The following ZNF429 variants were observed in gnomAD, a reference collection of about 807,000 sequenced individuals.
The protein encoded by ZNF429 is zinc finger protein 429.
ZNF429 carries 53 observed loss-of-function variants against 56.8 expected under a neutral mutation model. The ratio of observed to expected loss-of-function variants is 0.93; its 90% CI spans 0.75 to 1.17. The LOEUF (loss-of-function observed/expected upper bound fraction) is 1.17, where lower values mean the gene tolerates loss of function less well. Ranked by LOEUF, ZNF429 falls within the 50% of genes most tolerant of loss-of-function variation. The pLI, the probability that ZNF429 is intolerant of heterozygous loss-of-function variation, is 0.00. For synonymous variants in ZNF429, 278 were observed against 264.7 expected, an observed-to-expected ratio of 1.05 and a Z score of -0.49; for missense variants, 849 against 788.4, an observed-to-expected ratio of 1.08 and a Z score of -0.92.
intron 1 of ZNF429, among the ~76,000 whole-genome samples, chr19:21,513,322 T>G (rs1486897746): frequency 2.0e-5 from 3 of 152,232 alleles, no homozygotes; most frequent in Non-Finnish European, 2.9e-5. Context: ...TTCTTCCATT[T>G]GACTTCTCCT....
intron 1 of ZNF429, among the ~76,000 whole-genome samples, chr19:21,508,294 G>A (rs570506781): frequency 9.9e-5 from 15 of 151,628 alleles, no homozygotes; most frequent in African/African-American, 1.7e-4. Flanking sequence ...CCCTGACCCC[G>A]GTGAGATGAG....
Position 21,505,605 on chromosome 19 carries a change from G to C in ZNF429, c.-167G>C. 1.7e-6 allele frequency: 1 copy of C among 591,820 alleles called. No homozygotes were observed. Among genetic ancestry groups the C allele is most frequent in the Non-Finnish European group, 2.9e-6 (1 of 347,230 alleles). The allele number at this position is 591,820 out of a possible 1,614,324, so 36.7% of individuals were successfully genotyped here. A position where few individuals can be genotyped will look rare whatever the true frequency, so the allele number is the denominator to read the frequency against. The stretch of plus-strand genomic sequence containing the variant: ...GGCACGCAGCTGGAGCGACAGGACG[G>C]TTTCCGGAATATGGCGGGGCGTTTG... On this transcript the variant is annotated 5_prime_UTR_variant, in exon 1 of 4. Transcript: ENST00000358491.
At chr19:21,514,641 A>T (rs960494730) in intron 1 of ZNF429, among the ~76,000 whole-genome samples, 1 of 152,008 alleles carries the variant, frequency 6.6e-6, no homozygotes, top group Non-Finnish European at 1.5e-5. Context: ...TCTGTTACCC[A>T]GGCTGGAGTG....
intron 3 of ZNF429, among the ~76,000 whole-genome samples, chr19:21,531,130 CCAA>C: frequency 3.5e-5 from 4 of 113,134 alleles, no homozygotes; most frequent in African/African-American, 1.2e-4. Context: ...AAAAAAAAAA[CCAA>C]AAAAAAAAAA....
chr19:21,534,146 G>A, intron 3 of ZNF429, among the ~76,000 whole-genome samples: 3 of 150,758 alleles, frequency 2.0e-5, no homozygotes, highest in African/African-American at 7.3e-5. Flanking sequence ...CAATATTTCT[G>A]TAAAAAACTG....
chr19:21,513,991 A>C (rs2032621867), intron 1 of ZNF429, among the ~76,000 whole-genome samples: 1 of 152,110 alleles, frequency 6.6e-6, no homozygotes, highest in South Asian at 2.1e-4. Context: ...CTCCTGGAAT[A>C]TTCCTACTCC....
intron 1 of ZNF429, among the ~76,000 whole-genome samples, chr19:21,517,960 A>AT (rs1281125693): frequency 4.0e-5 from 6 of 150,108 alleles, no homozygotes; most frequent in East Asian, 2.0e-4. Context: ...TGCCTGGCTA[A>AT]TTTTTTTTTA....
At chr19:21,528,099 A>G (rs1042582315) in intron 1 of ZNF429, among the ~76,000 whole-genome samples, 1 of 152,124 alleles carries the variant, frequency 6.6e-6, no homozygotes, top group African/African-American at 2.4e-5. Flanking sequence ...TTTATGTGCC[A>G]TGCAGAATTC....
chr19:21,511,200 G>A lies in ZNF429; in HGVS notation c.3+5426G>A, dbSNP rs958500486. Among the ~76,000 whole-genome samples the A allele has an allele frequency of 8.1e-4, 123 of 151,866 alleles. 1 individual carries two copies. Among genetic ancestry groups the A allele is most frequent in the African/African-American group, 2.7e-3 (110 of 41,436 alleles). On this transcript the variant is annotated intron_variant, in intron 1 of 3. Transcript: ENST00000358491. ...CACCTCCCGGATGGGGCGGCTGGCC[G>A]GGCGGGGGCTGACCCCCCACCTCCC...
chr19:21,513,656 G>A (rs8106840), intron 1 of ZNF429, among the ~76,000 whole-genome samples: 79,923 of 151,964 alleles, frequency 0.53, 21,262 homozygotes, highest in East Asian at 0.62. Context: ...TATCACAGAG[G>A]CCTGTCCTGG....
At chr19:21,529,869 G>T in intron 2 of ZNF429, 85 bp downstream of exon 2, 265 of 1,023,758 alleles carry the variant, frequency 2.6e-4, no homozygotes, top group Non-Finnish European at 3.3e-4. Flanking sequence ...GGTAATTTAT[G>T]CTTTGCATAA....
Position 21,536,284 on chromosome 19 carries a change from G to A in ZNF429, c.231G>A (p.Val77=). 6.4e-7 allele frequency: 1 copy of A among 1,565,290 alleles called. No homozygotes were observed. The highest frequency in any genetic ancestry group is 8.6e-7 in the Non-Finnish European group (1 of 1,159,830). The change falls in exon 4 of 4, where the codon GTG becomes GTA. Residue 77 remains valine (V), a synonymous_variant. Coordinates refer to ENST00000358491, the MANE Select transcript of ZNF429 (RefSeq NM_001001415.4). ...GTTGTTTTAATTTTATTTTAGTTGT[G>A]TGTTCTCATTTTGCTGAAGACTTTT... ...RHEMVDEPPV[V]CSHFAEDFWP...
intron 1 of ZNF429, among the ~76,000 whole-genome samples, chr19:21,516,443 A>G (rs184960016): frequency 6.6e-6 from 1 of 152,070 alleles, no homozygotes; most frequent in South Asian, 2.1e-4. Flanking sequence ...TTGTTGTTCC[A>G]TATGAATTTA....
At chr19:21,532,788 T>C in intron 3 of ZNF429, among the ~76,000 whole-genome samples, 3 of 151,508 alleles carry the variant, frequency 2.0e-5, no homozygotes, top group Non-Finnish European at 4.4e-5. Flanking sequence ...AACCTCGGCC[T>C]CCCGGGTTCA....
Position 21,537,265 on chromosome 19 carries a change from A to G in ZNF429, c.1212A>G (p.Arg404=), listed in dbSNP as rs764579890. ...CCTACAAATTTGAAAAATGTGGCAG[A>G]GTTTTTACCTGTTCCTCAACACTTA... is the stretch of plus-strand genomic sequence containing the variant. ...EEPYKFEKCG[R]VFTCSSTLTQ... is the part of the protein sequence containing the mutation. The change falls in exon 4 of 4, where the codon AGA becomes AGG. Residue 404 remains arginine, a synonymous_variant. Coordinates refer to ENST00000358491, the MANE Select transcript of ZNF429 (RefSeq NM_001001415.4). 1 of 1,614,048 alleles carries G rather than the reference A, an allele frequency of 6.2e-7. No homozygotes were observed. The highest frequency in any genetic ancestry group is 1.1e-5 in the South Asian group (1 of 91,078).
In ZNF429 at chr19:21,535,747, T is replaced by C; in HGVS notation, c.227-533T>C. 2.0e-5 allele frequency among the ~76,000 whole-genome samples: 3 copies of C among 148,688 alleles called. No homozygotes were observed. The South Asian group carries it at 6.2e-4, about 31-fold the overall frequency. On this transcript the variant is annotated intron_variant, in intron 3 of 3. Coordinates refer to ENST00000358491, the MANE Select transcript of ZNF429 (RefSeq NM_001001415.4). ...GCCAGGCTGGTTTCGAACTCCTGACTTTATGATCTGCCCGCCTTGGCCTCC... is the reference window on the plus strand; with the variant it reads ...GCCAGGCTGGTTTCGAACTCCTGACCTTATGATCTGCCCGCCTTGGCCTCC...
intron 3 of ZNF429, among the ~76,000 whole-genome samples, chr19:21,535,463 T>C: frequency 9.8e-6 from 1 of 102,476 alleles, no homozygotes; most frequent in African/African-American, 4.3e-5. Flanking sequence ...TTTCTTTCTT[T>C]CTTTCTTTCT....
intron 1 of ZNF429, among the ~76,000 whole-genome samples, chr19:21,528,091 T>A (rs936663173): frequency 8.5e-5 from 13 of 152,202 alleles, no homozygotes; most frequent in African/African-American, 3.1e-4. Flanking sequence ...CATAGCTTTT[T>A]ATGTGCCATG....
chr19:21,535,342 TCCTTTCCTTTCTTTTC>T lies in ZNF429; in HGVS notation c.227-937_227-922del. Among the ~76,000 whole-genome samples, 16 of 107,620 alleles carry T rather than the reference TCCTTTCCTTTCTTTTC, an allele frequency of 1.5e-4. 1 individual carries two copies. Among genetic ancestry groups the T allele is most frequent in the Non-Finnish European group, 1.1e-4 (5 of 46,858 alleles). The allele number at this position is 107,620 out of a possible 152,430, so 70.6% of individuals were successfully genotyped here. ...TTCTTTCTTTCTCTTTTCTTTTCTT[TCCTTTCCTTTCTTTTC>T]TTCTTTCTTTCTTTCTTTCTTTTTT... On this transcript the variant is annotated intron_variant, in intron 3 of 3. Transcript: ENST00000358491.
Sources: gnomAD v4.1 joint callset for allele counts (sites outside exome capture counted in the v4.1 genomes callset) on GRCh38, gnomAD v4.1.1 for gene constraint, MANE v1.5 for transcripts, NCBI Gene and HGNC (gene_info 2026-07-23, HGNC 2026-07-21) for gene names.